The following LRRC8B variants were observed in gnomAD, a reference collection of about 807,000 sequenced individuals.
LRRC8B encodes the protein volume-regulated anion channel subunit LRRC8B.
In LRRC8B, 23 loss-of-function variants were observed where a neutral mutation model predicts 58.8. The observed-to-expected ratio is 0.39, with a 90% confidence interval of 0.28 to 0.55. The LOEUF (loss-of-function observed/expected upper bound fraction) is 0.55. Ranked by LOEUF, LRRC8B falls within the 20% of genes least tolerant of loss-of-function variation. The pLI is 0.62. For synonymous variants in LRRC8B, 359 were observed against 374.1 expected (o/e 0.96, Z 0.47); for missense variants, 694 against 936.0 (o/e 0.74, Z 3.37).
At chr1:89,587,295 G>A (rs534261864) in intron 5 of LRRC8B, among the ~76,000 whole-genome samples, 1 of 152,288 alleles carries the variant, frequency 6.6e-6, no homozygotes, top group East Asian at 1.9e-4. Flanking sequence ...ATGATTCTGA[G>A]TTAGATCAAA....
chr1:89,558,636 T>G (rs1181212599), intron 1 of LRRC8B: 1 of 152,132 alleles, frequency 6.6e-6, no homozygotes, highest in Admixed American at 6.5e-5. Context: ...GTGCCTGCCT[T>G]AGTCTGTTTG....
intron 4 of LRRC8B, among the ~76,000 whole-genome samples, chr1:89,581,832 C>T (rs781716324): frequency 6.6e-6 from 1 of 152,140 alleles, no homozygotes; most frequent in Non-Finnish European, 1.5e-5. Context: ...CTTTTAAATA[C>T]TCTAAGTTTT....
chr1:89,579,026 C>G (rs945860599), intron 3 of LRRC8B, among the ~76,000 whole-genome samples: 1 of 152,052 alleles, frequency 6.6e-6, no homozygotes, highest in African/African-American at 2.4e-5. Context: ...ATCACTTTTT[C>G]TAATGAGATT....
At chr1:89,530,381 T>TAAATAATTAATA (rs1553153226) in intron 1 of LRRC8B, among the ~76,000 whole-genome samples, 6 of 147,512 alleles carry the variant, frequency 4.1e-5, no homozygotes. Flanking sequence ...AATAAATAAA[T>TAAATAATTAATA]AATAAATAAA....
At chr1:89,582,155 G>T (rs1345777194) in intron 4 of LRRC8B, among the ~76,000 whole-genome samples, 1 of 151,654 alleles carries the variant, frequency 6.6e-6, no homozygotes, top group Non-Finnish European at 1.5e-5. Context: ...ACTTTCAGAG[G>T]CCAAGCAGGG....
intron 1 of LRRC8B, among the ~76,000 whole-genome samples, chr1:89,539,826 A>G (rs2100830990): frequency 6.6e-6 from 1 of 152,382 alleles, no homozygotes; most frequent in African/African-American, 2.4e-5. Context: ...AAATAAAAAT[A>G]AATCTGGATT....
chr1:89,576,452 T>C (rs1187645189), intron 3 of LRRC8B, among the ~76,000 whole-genome samples: 1 of 152,150 alleles, frequency 6.6e-6, no homozygotes, highest in East Asian at 1.9e-4. Flanking sequence ...GGCCTGGGTT[T>C]ACGTTTCTTT....
At chr1:89,576,566 A>G in intron 3 of LRRC8B, among the ~76,000 whole-genome samples, 1 of 152,164 alleles carries the variant, frequency 6.6e-6, no homozygotes, top group East Asian at 1.9e-4. Context: ...CATCAACATG[A>G]ACTAGGAATT....
intron 1 of LRRC8B, among the ~76,000 whole-genome samples, chr1:89,544,993 A>T (rs1288317401): frequency 1.3e-5 from 2 of 152,218 alleles, no homozygotes; most frequent in Admixed American, 1.3e-4. Context: ...CGTAATAGGA[A>T]GTTTTCTTAC....
intron 1 of LRRC8B, among the ~76,000 whole-genome samples, chr1:89,542,747 G>A (rs1392749342): frequency 6.6e-6 from 1 of 152,098 alleles, no homozygotes; most frequent in Non-Finnish European, 1.5e-5. Context: ...ATTTATATAA[G>A]CACTTATAAA....
In LRRC8B at chr1:89,593,227, A is replaced by T. The variant is rs1412535430; in HGVS notation, c.*184A>T. ...CCATCTCTGCTAAAACTACAAAAAA[A>T]TTAGCCAGGCGTGGTGGCGTGCGCC... On this transcript the variant is annotated 3_prime_UTR_variant, in exon 6 of 6. Coordinates refer to ENST00000330947, the MANE Select transcript of LRRC8B (RefSeq NM_001369817.2). The T allele has an allele frequency of 1.6e-5, 9 of 578,332 alleles. No homozygotes were observed. The highest frequency in any genetic ancestry group is 6.1e-5 in the Admixed American group (2 of 32,546). The allele number at this position is 578,332 out of a possible 1,614,324, so 35.8% of individuals were successfully genotyped here.
chr1:89,584,041 A>G lies in LRRC8B; in HGVS notation c.1391A>G (p.Asn464Ser), dbSNP rs1244061219. Residue 464 changes from asparagine to serine, a missense_variant, in exon 5 of 6, where the codon AAC becomes AGC. Asn to Ser is a conservative substitution (Grantham distance 46). This residue lies in a region of LRRC8B where 162 missense variants were observed against 198.5 expected (regional missense o/e 0.82). Coordinates refer to ENST00000330947, the MANE Select transcript of LRRC8B (RefSeq NM_001369817.2). ...CCCTCTGCAGTCTCACAGCTGGTCA[A>G]CCTCAAGGAGCTTCGTGTGTACCAT... ...KLPSAVSQLVNLKELRVYHSS... is the reference protein window; with the variant it reads ...KLPSAVSQLVSLKELRVYHSS... 3.7e-6 allele frequency: 6 copies of G among 1,614,028 alleles called. No homozygotes were observed. Among genetic ancestry groups the G allele is most frequent in the African/African-American group, 1.3e-5 (1 of 74,926 alleles).
At chr1:89,536,657 A>G (rs932906951) in intron 1 of LRRC8B, among the ~76,000 whole-genome samples, 6 of 152,216 alleles carry the variant, frequency 3.9e-5, no homozygotes, top group Admixed American at 2.0e-4. Context: ...ATAAAGTGCT[A>G]TGAAGAACAG....
intron 1 of LRRC8B, among the ~76,000 whole-genome samples, chr1:89,541,811 G>T (rs1020105948): frequency 7.0e-6 from 1 of 142,380 alleles, no homozygotes; most frequent in African/African-American, 2.6e-5. Flanking sequence ...GGCAGGATAA[G>T]AGTTCAGTCT....
At chr1:89,525,444 GC>G (rs1649606099) in intron 1 of LRRC8B, among the ~76,000 whole-genome samples, 1 of 152,242 alleles carries the variant, frequency 6.6e-6, no homozygotes, top group African/African-American at 2.4e-5. Context: ...CCCTGAGGGT[GC>G]CCCCATTTGG....
intron 1 of LRRC8B, among the ~76,000 whole-genome samples, chr1:89,533,330 G>A (rs763824500): frequency 6.6e-6 from 1 of 152,064 alleles, no homozygotes; most frequent in African/African-American, 2.4e-5. Context: ...TTCATCTCTT[G>A]CCACTCTGTC....
At chr1:89,560,282 T>A (rs1268336064) in intron 1 of LRRC8B, among the ~76,000 whole-genome samples, 2 of 152,196 alleles carry the variant, frequency 1.3e-5, no homozygotes, top group Non-Finnish European at 1.5e-5. Flanking sequence ...ATCACATTAC[T>A]ACATTCCCCT....
chr1:89,583,452 T>C lies in LRRC8B; in HGVS notation c.802T>C (p.Leu268=), dbSNP rs541225226. 121 of 1,614,142 alleles carry C rather than the reference T, an allele frequency of 7.5e-5. No homozygotes were observed. The East Asian group carries it at 2.3e-3, about 31-fold the overall frequency. ...YLKQIIVKVI[L]FVLIITYVPY... ...GAAACAGATAATAGTCAAAGTCATT[T>C]TGTTTGTGCTCATCATAACTTATGT... Residue 268 remains leucine (L), a synonymous_variant, in exon 5 of 6, where the codon TTG becomes CTG. Transcript: ENST00000330947. The surrounding 1 kb of genome is among the most constrained non-coding windows in gnomAD (Gnocchi z 5.2).
In LRRC8B at chr1:89,587,560, T is replaced by A. The variant is rs1319794405; in HGVS notation, c.2139+2771T>A. The stretch of plus-strand genomic sequence containing the variant: ...AAAAGGAAAATAAGAAAATACCACA[T>A]TGGCTGCATACATAGTTAGACATGC... On this transcript the variant is annotated intron_variant, in intron 5 of 5. Transcript: ENST00000330947. Among the ~76,000 whole-genome samples the A allele has an allele frequency of 2.6e-5, 4 of 152,080 alleles. No individual in the cohort carries two copies. The East Asian group carries it at 5.8e-4, about 22-fold the overall frequency.
Sources: gnomAD v4.1 joint callset for allele counts (sites outside exome capture counted in the v4.1 genomes callset) on GRCh38, gnomAD v4.1.1 for gene constraint, gnomAD v4.1.1 regional missense constraint, Gnocchi (gnomAD v3.1) non-coding constraint, MANE v1.5 for transcripts, NCBI Gene and HGNC (gene_info 2026-07-23, HGNC 2026-07-21) for gene names.